ARMS2: variants seen among roughly 807,000 people sequenced by gnomAD.
ARMS2 encodes the protein age-related maculopathy susceptibility 2.
ARMS2 carries 4 observed loss-of-function variants against 6.0 expected under a neutral mutation model. That is an observed-to-expected ratio of 0.67 (90% CI 0.33 to 1.53). The LOEUF is 1.53. Among genes scored for constraint, ARMS2 ranks in the 40% most tolerant of loss-of-function variants. The pLI is 0.06. For synonymous variants in ARMS2, 49 were observed against 51.7 expected, an observed-to-expected ratio of 0.95 and a Z score of 0.22; for missense variants, 99 against 127.6, an observed-to-expected ratio of 0.78 and a Z score of 1.08.
rs1430643614 is a variant in ARMS2, at chr10:122,454,934, T to C, written c.207T>C (p.Ala69=). Reference sequence around the variant, plus strand: ...TATCACACTCCATGATCCCAGCTGCTAAAATCCACACTGAGCTCTGCTTAC... The same window carrying C: ...TATCACACTCCATGATCCCAGCTGCCAAAATCCACACTGAGCTCTGCTTAC... ...LSLSHSMIPA[A]KIHTELCLPA... The change falls in exon 1 of 2, where the codon GCT becomes GCC. Residue 69 remains alanine, a synonymous_variant. Coordinates refer to ENST00000528446, the MANE Select transcript of ARMS2 (RefSeq NM_001099667.3). 6.2e-7 allele frequency: 1 copy of C among 1,613,920 alleles called. No individual in the cohort carries two copies.
intron 1 of ARMS2, 97 bp downstream of exon 1, chr10:122,455,121 G>A: frequency 1.4e-6 from 1 of 694,566 alleles, no homozygotes; most frequent in Admixed American, 2.5e-5. Context: ...GCCTTCAGGT[G>A]CTTCTGATGC....
At chr10:122,456,303 AAAAAAAG>A (rs1554947485) in intron 1 of ARMS2, among the ~76,000 whole-genome samples, 1 of 151,914 alleles carries the variant, frequency 6.6e-6, no homozygotes, top group Non-Finnish European at 1.5e-5. Flanking sequence ...AAAACAAAAA[AAAAAAAG>A]AAAAAAGAAA....
chr10:122,455,726 C>G (rs566016204), intron 1 of ARMS2, among the ~76,000 whole-genome samples: 1 of 152,032 alleles, frequency 6.6e-6, no homozygotes, highest in Non-Finnish European at 1.5e-5. Context: ...AAGGTTGAAC[C>G]CCTTCCCTCT....
rs1235216930 is a variant in ARMS2, at chr10:122,454,758, A to G, written c.31A>G (p.Thr11Ala). ...GCGCCTATACCCAGGACCGATGGTA[A>G]CTGAGGCGGAGGGGAAAGGAGGGCC... MLRLYPGPMV[T>A]EAEGKGGPEM... Residue 11 changes from threonine (T) to alanine (A), a missense_variant, in exon 1 of 2, where the codon ACT (threonine) becomes GCT (alanine). Thr to Ala is a moderately conservative substitution (Grantham distance 58). Transcript: ENST00000528446. 6.2e-7 allele frequency: 1 copy of G among 1,613,934 alleles called. No individual in the cohort carries two copies.
At chr10:122,456,854 A>C in intron 1 of ARMS2, 53 bp from the exon 2 acceptor site, 1 of 1,499,688 alleles carries the variant, frequency 6.7e-7, no homozygotes, top group South Asian at 1.2e-5. Flanking sequence ...TCAACCTAAA[A>C]TATCGTCATG....
chr10:122,454,870 G>A lies in ARMS2; in HGVS notation c.143G>A (p.Gly48Glu), dbSNP rs1468274338. The part of the protein sequence containing the change: ...RESVLDPGVG[G>E]EGASDKQRSK... ...TCTGTGCTGGACCCTGGAGTTGGTG[G>A]AGAAGGAGCCAGTGACAAGCAGAGG... Residue 48 changes from glycine (G) to glutamate (E), a missense_variant, in exon 1 of 2, where the codon GGA becomes GAA. Transcript: ENST00000528446. The A allele has an allele frequency of 6.2e-7, 1 of 1,613,942 alleles. No homozygotes were observed. The highest frequency in any genetic ancestry group is 8.5e-7 in the Non-Finnish European group (1 of 1,179,874).
intron 1 of ARMS2, among the ~76,000 whole-genome samples, chr10:122,455,238 C>T (rs1206836991): frequency 6.6e-6 from 1 of 152,152 alleles, no homozygotes; most frequent in Non-Finnish European, 1.5e-5. Flanking sequence ...TTCCAATGCA[C>T]CTGCTACATG....
At position 122,455,021 on chromosome 10, in the gene ARMS2, A is replaced by T. The variant is rs762198513; in HGVS notation, c.294A>T (p.Thr98=). ...RRFQQPQHHL[T]LSIIHTAAR ...TCCAGCAGCCTCAGCACCACCTGACACTGGTAAGAAATGCAGATGATCAGG... is the reference window on the plus strand; with the variant it reads ...TCCAGCAGCCTCAGCACCACCTGACTCTGGTAAGAAATGCAGATGATCAGG... Residue 98 remains threonine (T), a synonymous_variant, in exon 1 of 2, where the codon ACA becomes ACT. Transcript: ENST00000528446. 7 of 1,525,280 alleles carry T rather than the reference A, an allele frequency of 4.6e-6. No individual in the cohort carries two copies. Among genetic ancestry groups the T allele is most frequent in the Non-Finnish European group, 6.3e-6 (7 of 1,106,270 alleles). 94.5% of individuals were successfully genotyped at this position (1,525,280 alleles called of 1,614,324 possible).
chr10:122,456,409 C>T (rs1282264092), intron 1 of ARMS2, among the ~76,000 whole-genome samples: 2 of 151,718 alleles, frequency 1.3e-5, no homozygotes, highest in African/African-American at 4.8e-5. Context: ...TATACCAGCA[C>T]TTTGGGAGGC....
At position 122,456,977 on chromosome 10, in the gene ARMS2, A is replaced by T; in HGVS notation, c.*44A>T. 6.4e-7 allele frequency: 1 copy of T among 1,550,516 alleles called. No individual in the cohort carries two copies. The highest frequency in any genetic ancestry group is 8.7e-7 in the Non-Finnish European group (1 of 1,146,236). ...CCTTAAAAGCCAACTGGAGCTTCTCATCAGCATCAATGTGAAGCCAAAAAT... is the reference window on the plus strand; with the variant it reads ...CCTTAAAAGCCAACTGGAGCTTCTCTTCAGCATCAATGTGAAGCCAAAAAT... On this transcript the variant is annotated 3_prime_UTR_variant, in exon 2 of 2. Transcript: ENST00000528446.
chr10:122,456,266 C>T (rs183165167), intron 1 of ARMS2, among the ~76,000 whole-genome samples: 5 of 146,204 alleles, frequency 3.4e-5, no homozygotes, highest in East Asian at 2.0e-4. Flanking sequence ...TACTCTGGCT[C>T]GAGAGGATGC....
Position 122,454,750 on chromosome 10 carries a change from C to A in ARMS2, c.23C>A (p.Pro8Gln). Reference protein sequence around the residue: MLRLYPGPMVTEAEGKGG... With the variant: MLRLYPGQMVTEAEGKGG... Reference sequence around the variant, plus strand: ...TACATGCTGCGCCTATACCCAGGACCGATGGTAACTGAGGCGGAGGGGAAA... The same window carrying A: ...TACATGCTGCGCCTATACCCAGGACAGATGGTAACTGAGGCGGAGGGGAAA... Residue 8 changes from proline (P) to glutamine (Q), a missense_variant, in exon 1 of 2, where the codon CCG becomes CAG. Pro to Gln is a moderately conservative substitution (Grantham distance 76). Coordinates refer to ENST00000528446, the MANE Select transcript of ARMS2 (RefSeq NM_001099667.3). 6.2e-7 allele frequency: 1 copy of A among 1,613,882 alleles called. No homozygotes were observed. Among genetic ancestry groups the A allele is most frequent in the Non-Finnish European group, 8.5e-7 (1 of 1,179,886 alleles).
At chr10:122,456,569 G>A (rs1296637175) in intron 1 of ARMS2, among the ~76,000 whole-genome samples, 4 of 151,536 alleles carry the variant, frequency 2.6e-5, no homozygotes, top group South Asian at 4.2e-4. Flanking sequence ...CAGGAGAATC[G>A]CTAGAACCTG....
chr10:122,454,811 G>A lies in ARMS2; in HGVS notation c.84G>A (p.Val28=), dbSNP rs1273034040. The change falls in exon 1 of 2, where the codon GTG becomes GTA. Residue 28 remains valine (V), a synonymous_variant. Coordinates refer to ENST00000528446, the MANE Select transcript of ARMS2 (RefSeq NM_001099667.3). Reference sequence around the variant, plus strand: ...AGATGGCAAGTCTGTCCTCCTCGGTGGTTCCTGTGTCCTTCATTTCCACTC... The same window carrying A: ...AGATGGCAAGTCTGTCCTCCTCGGTAGTTCCTGTGTCCTTCATTTCCACTC... ...GPEMASLSSS[V]VPVSFISTLR... The A allele has an allele frequency of 1.2e-6, 2 of 1,614,024 alleles. No homozygotes were observed. Among genetic ancestry groups the A allele is most frequent in the East Asian group, 2.2e-5 (1 of 44,876 alleles).
rs771911027 is a variant in ARMS2 at position 122,454,791 on chromosome 10, G to T, written c.64G>T (p.Ala22Ser). The change falls in exon 1 of 2, where the codon GCA becomes TCA. Residue 22 changes from alanine to serine, a missense_variant. Ala to Ser is a moderately conservative substitution (Grantham distance 99). Transcript: ENST00000528446. ...EAEGKGGPEM[A>S]SLSSSVVPVS... ...GGAGGGGAAAGGAGGGCCTGAGATG[G>T]CAAGTCTGTCCTCCTCGGTGGTTCC... 4.3e-6 allele frequency: 7 copies of T among 1,614,018 alleles called. No individual in the cohort carries two copies. Among genetic ancestry groups the T allele is most frequent in the South Asian group, 1.1e-5 (1 of 91,088 alleles).
chr10:122,456,866 G>GTC (rs2133900120), intron 1 of ARMS2, 41 bp from the exon 2 acceptor site: 1 of 1,317,840 alleles, frequency 7.6e-7, no homozygotes. Flanking sequence ...ATCGTCATGT[G>GTC]TCTTTAAAAA....
At chr10:122,456,309 AG>A (rs1180793838) in intron 1 of ARMS2, among the ~76,000 whole-genome samples, 1 of 151,704 alleles carries the variant, frequency 6.6e-6, no homozygotes, top group African/African-American at 2.4e-5. Context: ...AAAAAAAAAA[AG>A]AAAAAAGAAA....
At chr10:122,455,469 G>T (rs2097476422) in intron 1 of ARMS2, among the ~76,000 whole-genome samples, 1 of 152,066 alleles carries the variant, frequency 6.6e-6, no homozygotes, top group African/African-American at 2.4e-5. Flanking sequence ...CGGCTTTCCA[G>T]TGCTCATTTT....
chr10:122,457,104 G>T lies in ARMS2; in HGVS notation c.*171G>T. 1.3e-6 allele frequency: 1 copy of T among 789,918 alleles called. No individual in the cohort carries two copies. Among genetic ancestry groups the T allele is most frequent in the Non-Finnish European group, 2.0e-6 (1 of 508,060 alleles). 48.9% of individuals were successfully genotyped at this position (789,918 alleles called of 1,614,324 possible). A position where few individuals can be genotyped will look rare whatever the true frequency, so the allele number is the denominator to read the frequency against. On this transcript the variant is annotated 3_prime_UTR_variant, in exon 2 of 2. Coordinates refer to ENST00000528446, the MANE Select transcript of ARMS2 (RefSeq NM_001099667.3). ...CTCTCTTCCCACCTGCGGCCACACT[G>T]TGCAACCTGGAATTTCCCCACCTGG...
Sources: allele counts gnomAD v4.1 joint callset (sites outside exome capture counted in the v4.1 genomes callset), GRCh38; gene constraint gnomAD v4.1.1; transcripts MANE v1.5; gene names NCBI Gene and HGNC (gene_info 2026-07-23, HGNC 2026-07-21).